SRP72: variants seen among roughly 807,000 people sequenced by gnomAD.
SRP72 encodes the protein signal recognition particle subunit SRP72.
Under a neutral mutation model 96.3 loss-of-function variants are expected in SRP72, and 49 were observed. The observed-to-expected ratio is 0.51, with a 90% CI of 0.40 to 0.65. SRP72 has a LOEUF of 0.65. SRP72 is among the 30% of genes least tolerant of loss of function. The pLI is 0.00. For synonymous variants in SRP72, 267 were observed against 275.2 expected, an observed-to-expected ratio of 0.97 and a Z score of 0.30; for missense variants, 736 against 793.3, an observed-to-expected ratio of 0.93 and a Z score of 0.87.
chr4:56,484,888 T>G (rs1371950966), intron 10 of SRP72, 24 bp downstream of exon 10: 5 of 1,601,370 alleles, frequency 3.1e-6, no homozygotes, highest in Non-Finnish European at 4.2e-6. Context: ...TTGAATGAGG[T>G]GTCAGACATT....
At chr4:56,484,158 C>T (rs1175582130) in intron 9 of SRP72, among the ~76,000 whole-genome samples, 3 of 150,744 alleles carry the variant, frequency 2.0e-5, no homozygotes, top group Non-Finnish European at 4.4e-5. Flanking sequence ...CTCACCCTCC[C>T]GAGTAGCTGG....
chr4:56,484,663 T>C (rs1560682376), intron 9 of SRP72, 73 bp from the exon 10 acceptor site: 1 of 1,586,076 alleles, frequency 6.3e-7, no homozygotes. Context: ...CCATGTTTCT[T>C]TTCTTTCTGG....
rs534677916 is a variant in SRP72 at position 56,484,935 on chromosome 4, C to G, written c.1086+71C>G. The G allele has an allele frequency of 4.6e-6, 7 of 1,512,482 alleles. No individual in the cohort carries two copies. In the East Asian group the frequency reaches 1.2e-4, roughly 25 times the overall value. 93.7% of individuals were successfully genotyped at this position (1,512,482 alleles called of 1,614,324 possible). A position where few individuals can be genotyped will look rare whatever the true frequency, so the allele number is the denominator to read the frequency against. On this transcript the variant is annotated intron_variant, in intron 10 of 18. Coordinates refer to ENST00000642900, the MANE Select transcript of SRP72 (RefSeq NM_006947.4). ...TTCATTTTCATTGTGTTGTAATAACCTACTAGCATGTAAATTTAATGGGAA... is the reference window on the plus strand; with the variant it reads ...TTCATTTTCATTGTGTTGTAATAACGTACTAGCATGTAAATTTAATGGGAA...
chr4:56,484,026 A>ATTTTTTTTTTTTTTTTT lies in SRP72; in HGVS notation c.958-701_958-685dup, dbSNP rs539665243. Among the ~76,000 whole-genome samples, 303 of 86,594 alleles carry ATTTTTTTTTTTTTTTTT rather than the reference A, an allele frequency of 3.5e-3. 24 individuals carry two copies. Among genetic ancestry groups the ATTTTTTTTTTTTTTTTT allele is most frequent in the East Asian group, 0.014 (26 of 1,854 alleles). 56.8% of individuals were successfully genotyped at this position (86,594 alleles called of 152,430 possible). A position where few individuals can be genotyped will look rare whatever the true frequency, so the allele number is the denominator to read the frequency against. ...TTTAGTGGGAGACAGAGAAGCAGTA[A>ATTTTTTTTTTTTTTTTT]TTTTTTTTTTTTTTTTTTTTTTTTT... is the stretch of plus-strand genomic sequence containing the variant. On this transcript the variant is annotated intron_variant, in intron 9 of 18. Transcript: ENST00000642900.
At position 56,499,113 on chromosome 4, in the gene SRP72, C is replaced by T. The variant is rs566124320; in HGVS notation, c.1679-1423C>T. Among the ~76,000 whole-genome samples, 396 of 152,298 alleles carry T rather than the reference C, an allele frequency of 2.6e-3. 1 individual carries two copies. The highest frequency in any genetic ancestry group is 9.3e-3 in the African/African-American group (385 of 41,548). On this transcript the variant is annotated intron_variant, in intron 17 of 18. Transcript: ENST00000642900. ...AATAGAGGCCTCAGAAATAACACCACACATCTACAACCATCTGATCTTTGA... is the reference window on the plus strand; with the variant it reads ...AATAGAGGCCTCAGAAATAACACCATACATCTACAACCATCTGATCTTTGA...
In SRP72 at chr4:56,474,168, G is replaced by T. The variant is rs775935302; in HGVS notation, c.469G>T (p.Ala157Ser). 1.2e-6 allele frequency: 2 copies of T among 1,614,216 alleles called. No homozygotes were observed. Among genetic ancestry groups the T allele is most frequent in the Admixed American group, 1.7e-5 (1 of 60,028 alleles). Residue 157 changes from alanine (A) to serine (S), a missense_variant, in exon 4 of 19, where the codon GCT becomes TCT. Ala to Ser is a moderately conservative substitution (Grantham distance 99). Transcript: ENST00000642900. ...AACAAACCTTTCAGCAGTTGTTGCAGCTCAAAGCAATTGGGAAAAAGTGGT... is the reference window on the plus strand; with the variant it reads ...AACAAACCTTTCAGCAGTTGTTGCATCTCAAAGCAATTGGGAAAAAGTGGT... Reference protein sequence around the residue: ...RKTNLSAVVAAQSNWEKVVPE... With the variant: ...RKTNLSAVVASQSNWEKVVPE...
rs113730889 is a variant in SRP72 at position 56,468,188 on chromosome 4, C to A, written c.109+444C>A. ...TGGCCGCTAAAGGGGGAGGAACCTGCTTGGGACACGTAGTTTAGAGGCTGG... is the reference window on the plus strand; with the variant it reads ...TGGCCGCTAAAGGGGGAGGAACCTGATTGGGACACGTAGTTTAGAGGCTGG... On this transcript the variant is annotated intron_variant, in intron 1 of 18. Transcript: ENST00000642900. Among the ~76,000 whole-genome samples, 274 of 152,258 alleles carry A rather than the reference C, an allele frequency of 1.8e-3. 10 individuals are homozygous for A. The South Asian group carries it at 0.039, about 21-fold the overall frequency.
chr4:56,483,332 A>G (rs1720573460), intron 9 of SRP72, 62 bp downstream of exon 9: 1 of 1,454,288 alleles, frequency 6.9e-7, no homozygotes, highest in African/African-American at 1.4e-5. Flanking sequence ...GAGGAGTAAT[A>G]GGGATATTAG....
intron 16 of SRP72, among the ~76,000 whole-genome samples, chr4:56,493,084 C>A (rs1171101372): frequency 6.6e-6 from 1 of 152,180 alleles, no homozygotes; most frequent in East Asian, 1.9e-4. Flanking sequence ...GTTGCCCAGG[C>A]TGGAGTGCAG....
chr4:56,498,199 T>G (rs1341325545), intron 17 of SRP72, among the ~76,000 whole-genome samples: 2 of 152,074 alleles, frequency 1.3e-5, no homozygotes, highest in Non-Finnish European at 2.9e-5. Flanking sequence ...AATGAGGCCT[T>G]TTCCCCCTTC....
Position 56,489,305 on chromosome 4 carries a change from A to T in SRP72, c.1225-83A>T, listed in dbSNP as rs921063163. The T allele has an allele frequency of 7.1e-5, 48 of 675,882 alleles. 2 individuals carry two copies. Among genetic ancestry groups the T allele is most frequent in the African/African-American group, 1.1e-4 (6 of 55,136 alleles). The allele number at this position is 675,882 out of a possible 1,614,324, so 41.9% of individuals were successfully genotyped here. A position where few individuals can be genotyped will look rare whatever the true frequency, so the allele number is the denominator to read the frequency against. On this transcript the variant is annotated intron_variant, in intron 12 of 18. Coordinates refer to ENST00000642900, the MANE Select transcript of SRP72 (RefSeq NM_006947.4). ...TATTAGCGGAGAGCCTTTATTTGCT[A>T]TTTCTTCAGCGTTTTTTATTTTCAA...
At chr4:56,475,965 A>C (rs967707465) in intron 5 of SRP72, 6 of 152,260 alleles carry the variant, frequency 3.9e-5, no homozygotes, top group Non-Finnish European at 8.8e-5. Context: ...ATCACAAAGT[A>C]ATTACAGTCA....
chr4:56,478,674 A>G, intron 8 of SRP72, 25 bp downstream of exon 8: 2 of 1,603,612 alleles, frequency 1.2e-6, no homozygotes, highest in Non-Finnish European at 1.7e-6. Context: ...TGCTTTCCAT[A>G]GATATATTTT....
chr4:56,495,399 G>T lies in SRP72; in HGVS notation c.1678+5G>T. 6.7e-7 allele frequency: 1 copy of T among 1,483,708 alleles called. No individual in the cohort carries two copies. The highest frequency in any genetic ancestry group is 9.3e-7 in the Non-Finnish European group (1 of 1,075,426). 91.9% of individuals were successfully genotyped at this position (1,483,708 alleles called of 1,614,324 possible). ...AGAAGAAAAAGAAAAAGAAGGGTAAGGCATTAAAAAAGTCTTTATAAATTT... is the reference window on the plus strand; with the variant it reads ...AGAAGAAAAAGAAAAAGAAGGGTAATGCATTAAAAAAGTCTTTATAAATTT... On this transcript the variant is annotated splice_donor_5th_base_variant and intron_variant, in intron 17 of 18. Coordinates refer to ENST00000642900, the MANE Select transcript of SRP72 (RefSeq NM_006947.4).
intron 3 of SRP72, among the ~76,000 whole-genome samples, chr4:56,472,415 G>A (rs543402302): frequency 1.1e-4 from 17 of 149,110 alleles, no homozygotes; most frequent in African/African-American, 3.7e-4. Context: ...GCACTATCTC[G>A]GCTCACTGCA....
chr4:56,501,898 T>G lies in SRP72; in HGVS notation c.*37T>G. ...TTGTTGCAGGCTGTTTTTAAACTAG[T>G]GTCAGTGACACTAGGAATATAATAA... On this transcript the variant is annotated 3_prime_UTR_variant, in exon 19 of 19. Coordinates refer to ENST00000642900, the MANE Select transcript of SRP72 (RefSeq NM_006947.4). 1 of 1,601,834 alleles carries G rather than the reference T, an allele frequency of 6.2e-7. No individual in the cohort carries two copies. The highest frequency in any genetic ancestry group is 1.3e-5 in the African/African-American group (1 of 74,706).
chr4:56,482,958 AAG>A (rs750902676), intron 8 of SRP72, among the ~76,000 whole-genome samples, 179 bp from the exon 9 acceptor site: 4 of 152,246 alleles, frequency 2.6e-5, no homozygotes, highest in African/African-American at 4.8e-5. Context: ...GAGATTCAAA[AAG>A]AGTAGATTTG....
At chr4:56,474,218 C>T in intron 4 of SRP72, 21 bp downstream of exon 4, 2 of 1,613,762 alleles carry the variant, frequency 1.2e-6, no homozygotes, top group African/African-American at 1.3e-5. Flanking sequence ...TTGTGGTGTA[C>T]CCATACAGTC....
chr4:56,498,246 A>C (rs1721144885), intron 17 of SRP72, among the ~76,000 whole-genome samples: 1 of 152,166 alleles, frequency 6.6e-6, no homozygotes, highest in Non-Finnish European at 1.5e-5. Context: ...AAAAACTCTC[A>C]ATAAACTACG....
Sources: gnomAD v4.1 joint callset for allele counts (sites outside exome capture counted in the v4.1 genomes callset) on GRCh38, gnomAD v4.1.1 for gene constraint, MANE v1.5 for transcripts, NCBI Gene and HGNC (gene_info 2026-07-23, HGNC 2026-07-21) for gene names.